Variants in PHLPP1 observed in about 807,000 individuals in gnomAD.
PHLPP1 encodes PH domain leucine-rich repeat-containing protein phosphatase 1.
PHLPP1 carries 42 observed loss-of-function variants against 117.2 expected under a neutral mutation model. That is an observed-to-expected ratio of 0.36 (90% CI 0.28 to 0.46). The LOEUF is 0.46. Ranked by LOEUF, PHLPP1 falls within the 20% of genes least tolerant of loss-of-function variation. The pLI is 1.00. For synonymous variants in PHLPP1, 1,042 were observed against 970.7 expected, an observed-to-expected ratio of 1.07 and a Z score of -1.37; for missense variants, 2,084 against 2,241.9, an observed-to-expected ratio of 0.93 and a Z score of 1.42.
At chr18:62,861,390 C>T (rs1042816530) in intron 4 of PHLPP1, among the ~76,000 whole-genome samples, 1 of 152,222 alleles carries the variant, frequency 6.6e-6, no homozygotes, top group Admixed American at 6.5e-5. Flanking sequence ...AGGCGTGAGA[C>T]ACCACGCCTG....
At chr18:62,826,551 C>T (rs1012476172) in intron 1 of PHLPP1, among the ~76,000 whole-genome samples, 2 of 152,092 alleles carry the variant, frequency 1.3e-5, no homozygotes, top group African/African-American at 2.4e-5. Flanking sequence ...AGCAATTTGG[C>T]GCAGAGAACA....
intron 6 of PHLPP1, among the ~76,000 whole-genome samples, chr18:62,898,022 T>TCTTTCTCCA (rs1452981107): frequency 6.6e-6 from 1 of 152,108 alleles, no homozygotes; most frequent in Non-Finnish European, 1.5e-5. Flanking sequence ...TCCCTTCTCC[T>TCTTTCTCCA]CTTTCTCCTC....
intron 1 of PHLPP1, among the ~76,000 whole-genome samples, chr18:62,792,928 A>C (rs1285861474): frequency 1.3e-5 from 2 of 150,578 alleles, no homozygotes; most frequent in African/African-American, 4.9e-5. Context: ...TAATCCCAGC[A>C]CTTTGGGAGG....
chr18:62,756,580 G>A (rs891387353), intron 1 of PHLPP1, among the ~76,000 whole-genome samples: 2 of 152,148 alleles, frequency 1.3e-5, no homozygotes, highest in South Asian at 2.1e-4. Context: ...TTGACTTGGC[G>A]GTTTGCTCTC....
At chr18:62,882,066 T>C (rs1216667326) in intron 4 of PHLPP1, among the ~76,000 whole-genome samples, 1 of 152,148 alleles carries the variant, frequency 6.6e-6, no homozygotes, top group African/African-American at 2.4e-5. Context: ...TTTTAGAAAT[T>C]ATTTGGCTTC....
At chr18:62,891,475 C>T (rs937061494) in intron 4 of PHLPP1, among the ~76,000 whole-genome samples, 1 of 152,110 alleles carries the variant, frequency 6.6e-6, no homozygotes, top group African/African-American at 2.4e-5. Context: ...GTAATCCCAG[C>T]TACCTGGGAG....
Position 62,924,742 on chromosome 18 carries a change from G to T in PHLPP1, c.2960+4628G>T, listed in dbSNP as rs182574092. 2.0e-3 allele frequency among the ~76,000 whole-genome samples: 294 copies of T among 148,712 alleles called. 1 individual carries two copies. The highest frequency in any genetic ancestry group is 7.0e-3 in the African/African-American group (281 of 40,374). On this transcript the variant is annotated intron_variant, in intron 10 of 16. Transcript: ENST00000262719. ...ACACCTCTGGACTTGGAAGGCTGAG[G>T]TGGGAGGATCCCTTGAGCCTAGGAG... is the stretch of plus-strand genomic sequence containing the variant.
At chr18:62,857,780 TG>T (rs575266886) in intron 3 of PHLPP1, among the ~76,000 whole-genome samples, 2 of 152,338 alleles carry the variant, frequency 1.3e-5, no homozygotes, top group Admixed American at 1.3e-4. Flanking sequence ...CCTCTCCTCT[TG>T]ATGTGTACTC....
intron 4 of PHLPP1, among the ~76,000 whole-genome samples, chr18:62,878,751 T>G (rs1335580465): frequency 6.6e-6 from 1 of 152,168 alleles, no homozygotes; most frequent in African/African-American, 2.4e-5. Flanking sequence ...TTAAACTTTG[T>G]CAGAATGCAT....
At chr18:62,872,816 G>A (rs1028968850) in intron 4 of PHLPP1, among the ~76,000 whole-genome samples, 3 of 151,650 alleles carry the variant, frequency 2.0e-5, no homozygotes, top group African/African-American at 7.3e-5. Flanking sequence ...GTAAAATCCC[G>A]CCACTACTAA....
At chr18:62,788,732 A>T (rs1913371824) in intron 1 of PHLPP1, among the ~76,000 whole-genome samples, 1 of 152,184 alleles carries the variant, frequency 6.6e-6, no homozygotes, top group African/African-American at 2.4e-5. Context: ...TCTTTTTGGT[A>T]CTGGTTGGAT....
At chr18:62,931,009 G>C (rs1717662691) in intron 10 of PHLPP1, among the ~76,000 whole-genome samples, 1 of 152,028 alleles carries the variant, frequency 6.6e-6, no homozygotes, top group African/African-American at 2.4e-5. Flanking sequence ...CTAACACAGT[G>C]AAAGTCCCAT....
In PHLPP1 at chr18:62,716,366, G is replaced by A; in HGVS notation, c.683G>A (p.Gly228Asp). ...PVLCTLDTTA[G>D]EVAARLLQLG... ...CTCTGCACACTGGACACCACGGCCG[G>A]CGAGGTGGCCGCCCGCCTGCTGCAG... Residue 228 changes from glycine to aspartate, a missense_variant, in exon 1 of 17, where the codon GGC becomes GAC. Gly to Asp is a moderately conservative substitution (Grantham distance 94). Coordinates refer to ENST00000262719, the MANE Select transcript of PHLPP1 (RefSeq NM_194449.4). This position sits in a 1 kb window ranked among gnomAD's most constrained non-coding sequence, Gnocchi z 5.7. The A allele has an allele frequency of 2.0e-6, 3 of 1,488,576 alleles. No homozygotes were observed. Among genetic ancestry groups the A allele is most frequent in the Non-Finnish European group, 2.7e-6 (3 of 1,124,072 alleles). The allele number at this position is 1,488,576 out of a possible 1,614,324, so 92.2% of individuals were successfully genotyped here. A position where few individuals can be genotyped will look rare whatever the true frequency, so the allele number is the denominator to read the frequency against.
intron 10 of PHLPP1, among the ~76,000 whole-genome samples, chr18:62,934,492 TTTC>T (rs1458407154): frequency 6.6e-6 from 1 of 152,140 alleles, no homozygotes; most frequent in Non-Finnish European, 1.5e-5. Context: ...CTGCACATTA[TTTC>T]TTAATACATG....
intron 1 of PHLPP1, among the ~76,000 whole-genome samples, chr18:62,745,940 A>G (rs1056053052): frequency 1.3e-5 from 2 of 152,206 alleles, no homozygotes; most frequent in Non-Finnish European, 1.5e-5. Context: ...CAGAGGTGTT[A>G]GATCTGAATT....
chr18:62,970,591 G>T (rs1255595738), intron 14 of PHLPP1, among the ~76,000 whole-genome samples: 1 of 152,048 alleles, frequency 6.6e-6, no homozygotes, highest in Non-Finnish European at 1.5e-5. Flanking sequence ...ATGGTGAAAT[G>T]CTGTCTCTAC....
chr18:62,741,514 T>C (rs573609593), intron 1 of PHLPP1, among the ~76,000 whole-genome samples: 1 of 152,258 alleles, frequency 6.6e-6, no homozygotes, highest in Admixed American at 6.5e-5. Context: ...CAGATTATCA[T>C]AAAACGTAAG....
At chr18:62,927,145 AC>A (rs1190045760) in intron 10 of PHLPP1, among the ~76,000 whole-genome samples, 1 of 152,234 alleles carries the variant, frequency 6.6e-6, no homozygotes, top group Non-Finnish European at 1.5e-5. Flanking sequence ...GTTCTACAAG[AC>A]AAGTGAACCA....
intron 14 of PHLPP1, among the ~76,000 whole-genome samples, chr18:62,971,258 A>G (rs1048626268): frequency 2.0e-5 from 3 of 151,820 alleles, no homozygotes; most frequent in South Asian, 2.1e-4. Flanking sequence ...TCAGCCATCA[A>G]CTCCTCAAAA....
Sources: gnomAD v4.1 joint callset for allele counts (sites outside exome capture counted in the v4.1 genomes callset) on GRCh38, gnomAD v4.1.1 for gene constraint, Gnocchi (gnomAD v3.1) non-coding constraint, MANE v1.5 for transcripts, NCBI Gene and HGNC (gene_info 2026-07-23, HGNC 2026-07-21) for gene names.